Variants in HGD observed in about 807,000 individuals in gnomAD.
HGD encodes the protein homogentisate oxidase.
A neutral mutation model predicts 60.8 loss-of-function variants in HGD; 61 were observed. That is an observed-to-expected ratio of 1.00 (90% CI 0.82 to 1.24). The LOEUF is 1.24. HGD is among the 50% of genes most tolerant of loss of function. HGD has a pLI of 0.00. For missense variants in HGD, 542 were observed against 547.1 expected, an observed-to-expected ratio of 0.99 and a Z score of 0.09; for synonymous variants, 212 against 187.7, an observed-to-expected ratio of 1.13 and a Z score of -1.06.
chr3:120,665,589 C>T (rs112615156), intron 4 of HGD, among the ~76,000 whole-genome samples: 18,799 of 152,204 alleles, frequency 0.12, 1,311 homozygotes, highest in Middle Eastern at 0.18. Flanking sequence ...AATTTAAATA[C>T]ACTCAAAAAG....
intron 10 of HGD, 72 bp from the exon 11 acceptor site, chr3:120,641,765 C>G: frequency 1.1e-6 from 1 of 911,648 alleles, no homozygotes; most frequent in South Asian, 1.3e-5. Flanking sequence ...ACAATATGTA[C>G]TGAGTATACC....
At chr3:120,642,189 T>A (rs892519895) in intron 10 of HGD, among the ~76,000 whole-genome samples, 5 of 152,094 alleles carry the variant, frequency 3.3e-5, no homozygotes, top group Non-Finnish European at 5.9e-5. Flanking sequence ...GGACTTGAGA[T>A]TTCAGAGCAA....
intron 4 of HGD, among the ~76,000 whole-genome samples, chr3:120,670,068 G>A (rs989726190): frequency 6.6e-6 from 1 of 152,116 alleles, no homozygotes; most frequent in Non-Finnish European, 1.5e-5. Flanking sequence ...TTTATAAGGG[G>A]ATTTTCCCCC....
At chr3:120,635,293 T>A (rs1286063291) in intron 12 of HGD, among the ~76,000 whole-genome samples, 1 of 151,828 alleles carries the variant, frequency 6.6e-6, no homozygotes, top group Non-Finnish European at 1.5e-5. Context: ...CTGGCCAACA[T>A]GGTGAAACCT....
intron 4 of HGD, among the ~76,000 whole-genome samples, chr3:120,660,369 T>G (rs761389412): frequency 1.4e-4 from 21 of 152,314 alleles, no homozygotes; most frequent in Non-Finnish European, 3.1e-4. Context: ...AATAAAACAG[T>G]GGCTCACTTG....
At chr3:120,638,194 C>T (rs577838249) in intron 12 of HGD, among the ~76,000 whole-genome samples, 21 of 152,248 alleles carry the variant, frequency 1.4e-4, no homozygotes, top group East Asian at 9.6e-4. Context: ...TGCATAACCA[C>T]GAGCCAAATG....
At chr3:120,679,676 C>T (rs375157512) in intron 1 of HGD, among the ~76,000 whole-genome samples, 1 of 152,030 alleles carries the variant, frequency 6.6e-6, no homozygotes, top group Admixed American at 6.6e-5. Flanking sequence ...GAAAATGTGA[C>T]GTGATTACAA....
intron 11 of HGD, 35 bp from the exon 12 acceptor site, chr3:120,638,616 G>A: frequency 6.2e-7 from 1 of 1,612,696 alleles, no homozygotes; most frequent in Non-Finnish European, 8.5e-7. Context: ...AACGCATGAT[G>A]CAAGGGAAGT....
rs191581718 is a variant in HGD at position 120,641,744 on chromosome 3, G to C, written c.775-51C>G. ...AATTTTACCATCTAATGCTTTTGTAGCTGTGATCCCACAATATGTACTGAG... is the reference window on the plus strand; with the variant it reads ...AATTTTACCATCTAATGCTTTTGTACCTGTGATCCCACAATATGTACTGAG... On this transcript the variant is annotated intron_variant, in intron 10 of 13. Transcript: ENST00000283871. The C allele has an allele frequency of 5.1e-6, 6 of 1,177,572 alleles. No individual in the cohort carries two copies. The African/African-American group carries it at 9.0e-5, about 18-fold the overall frequency. The allele number at this position is 1,177,572 out of a possible 1,614,324, so 72.9% of individuals were successfully genotyped here. A position where few individuals can be genotyped will look rare whatever the true frequency, so the allele number is the denominator to read the frequency against.
chr3:120,682,080 G>A lies in HGD; in HGVS notation c.15+17C>T. 6.8e-6 allele frequency: 11 copies of A among 1,613,478 alleles called. No individual in the cohort carries two copies. Among genetic ancestry groups the A allele is most frequent in the Non-Finnish European group, 8.5e-6 (10 of 1,179,428 alleles). On this transcript the variant is annotated intron_variant, in intron 1 of 13. Coordinates refer to ENST00000283871, the MANE Select transcript of HGD (RefSeq NM_000187.4). ...TGGCTGAAGAAGCCATAGCAAACTT[G>A]TCAGATGGTTTCTTACCTTTAACTC...
intron 4 of HGD, among the ~76,000 whole-genome samples, chr3:120,668,760 T>C (rs1437150932): frequency 1.4e-5 from 2 of 145,592 alleles, no homozygotes; most frequent in Non-Finnish European, 2.9e-5. Context: ...AATGTTATCA[T>C]CCCATTTTAC....
chr3:120,649,274 C>G (rs1217837380), intron 6 of HGD, among the ~76,000 whole-genome samples: 1 of 150,992 alleles, frequency 6.6e-6, no homozygotes, highest in Non-Finnish European at 1.5e-5. Context: ...TCCTGAGTAG[C>G]TGGGATTACA....
At position 120,646,302 on chromosome 3, in the gene HGD, C is replaced by A. The variant is rs754802510; in HGVS notation, c.614G>T (p.Gly205Val). ...AAGGTCAGGTAACTCAAAGTGGACACCATAGACCTCCAAGATGTAGCCCCT... is the reference window on the plus strand; with the variant it reads ...AAGGTCAGGTAACTCAAAGTGGACAACATAGACCTCCAAGATGTAGCCCCT... The part of the protein sequence containing the change: ...ETRGYILEVY[G>V]VHFELPDLGP... The change falls in exon 9 of 14, where the codon GGT (glycine) becomes GTT (valine). Residue 205 changes from glycine (G) to valine (V), a missense_variant. Transcript: ENST00000283871. 1.2e-6 allele frequency: 2 copies of A among 1,613,254 alleles called. No individual in the cohort carries two copies. The highest frequency in any genetic ancestry group is 1.7e-6 in the Non-Finnish European group (2 of 1,179,284).
intron 1 of HGD, among the ~76,000 whole-genome samples, chr3:120,680,575 T>C (rs1474238249): frequency 6.6e-6 from 1 of 152,204 alleles, no homozygotes; most frequent in Admixed American, 6.5e-5. Flanking sequence ...AACTTCCTCA[T>C]AGAATGTTCA....
chr3:120,652,725 A>G, intron 4 of HGD, 74 bp from the exon 5 acceptor site: 1 of 987,114 alleles, frequency 1.0e-6, no homozygotes, highest in Non-Finnish European at 1.6e-6. Context: ...AAATAGCATC[A>G]ATTACATAGA....
chr3:120,659,939 A>T (rs575949160), intron 4 of HGD, among the ~76,000 whole-genome samples: 2 of 96,504 alleles, frequency 2.1e-5, no homozygotes, highest in Non-Finnish European at 4.9e-5. Flanking sequence ...GGAGCAAGAG[A>T]GAGTGGGGGG....
Position 120,650,692 on chromosome 3 carries a change from C to A in HGD, c.434+82G>T, listed in dbSNP as rs561877633. ...CTATGTATGTGCATATGTGACTTCA[C>A]AAGAGTGAAACCTGGAGTTTGACTT... is the stretch of plus-strand genomic sequence containing the variant. On this transcript the variant is annotated intron_variant, in intron 6 of 13. Transcript: ENST00000283871. 91 of 1,004,482 alleles carry A rather than the reference C, an allele frequency of 9.1e-5. 1 individual carries two copies. The South Asian group carries it at 1.1e-3, about 13-fold the overall frequency. The allele number at this position is 1,004,482 out of a possible 1,614,324, so 62.2% of individuals were successfully genotyped here. A position where few individuals can be genotyped will look rare whatever the true frequency, so the allele number is the denominator to read the frequency against.
intron 13 of HGD, among the ~76,000 whole-genome samples, chr3:120,629,553 A>G (rs1296279462): frequency 6.6e-6 from 1 of 152,226 alleles, no homozygotes; most frequent in Non-Finnish European, 1.5e-5. Flanking sequence ...AAGATGCAGA[A>G]AAGGCTTTCA....
intron 4 of HGD, among the ~76,000 whole-genome samples, chr3:120,656,609 T>A (rs1241770957): frequency 2.0e-5 from 3 of 152,034 alleles, no homozygotes; most frequent in Middle Eastern, 3.4e-3. Flanking sequence ...TGGAGTGCAG[T>A]GGCGCGATAT....
Sources: allele counts gnomAD v4.1 joint callset (sites outside exome capture counted in the v4.1 genomes callset), GRCh38; gene constraint gnomAD v4.1.1; transcripts MANE v1.5; gene names NCBI Gene and HGNC (gene_info 2026-07-23, HGNC 2026-07-21).